CLSTN1: variants seen among roughly 807,000 people sequenced by gnomAD.
CLSTN1 encodes calsyntenin-1.
CLSTN1 carries 28 observed loss-of-function variants against 108.3 expected under a neutral mutation model. The ratio of observed to expected loss-of-function variants is 0.26; its 90% confidence interval spans 0.19 to 0.35. CLSTN1 has a LOEUF of 0.35. Ranked by LOEUF, CLSTN1 falls within the 10% of genes least tolerant of loss-of-function variation. CLSTN1 has a pLI of 1.00. For synonymous variants in CLSTN1, 524 were observed against 534.9 expected (o/e 0.98, Z 0.28); for missense variants, 1,157 against 1,302.6 (o/e 0.89, Z 1.72).
rs557228107 is a variant in CLSTN1 at position 9,749,573 on chromosome 1, T to A, written c.873A>T (p.Thr291=). Residue 291 remains threonine, a synonymous_variant, in exon 7 of 19, where the codon ACA becomes ACT. Coordinates refer to ENST00000377298, the MANE Select transcript of CLSTN1 (RefSeq NM_001009566.3). ...GTACTGAGGCGACTGGCTCGTCACA[T>A]GTCTCCAGGTGGATATTTGGAAAGA... ...LAVFPNIHLE[T]CDEPVASVQA... 5 of 1,614,220 alleles carry A rather than the reference T, an allele frequency of 3.1e-6. No individual in the cohort carries two copies. The Middle Eastern group carries it at 4.9e-4, about 160-fold the overall frequency.
intron 1 of CLSTN1, among the ~76,000 whole-genome samples, chr1:9,819,470 T>C (rs1655112736): frequency 6.6e-6 from 1 of 152,244 alleles, no homozygotes; most frequent in South Asian, 2.1e-4. Context: ...AAAAATTTCA[T>C]TTTTTGGTCA....
intron 3 of CLSTN1, 65 bp from the exon 4 acceptor site, chr1:9,755,374 T>TC (rs1470579894): frequency 7.8e-7 from 1 of 1,288,402 alleles, no homozygotes; most frequent in Non-Finnish European, 1.1e-6. Context: ...CTTGCCCTCC[T>TC]CCCCCCATCT....
intron 1 of CLSTN1, among the ~76,000 whole-genome samples, chr1:9,776,373 C>CG (rs1652943161): frequency 6.6e-6 from 1 of 152,054 alleles, no homozygotes; most frequent in South Asian, 2.1e-4. Context: ...ACCCAGACCC[C>CG]GGGGAGTTGT....
intron 9 of CLSTN1, among the ~76,000 whole-genome samples, chr1:9,743,212 G>A (rs972443251): frequency 5.3e-5 from 8 of 152,096 alleles, no homozygotes; most frequent in South Asian, 2.1e-4. Context: ...GTGCTCTCTC[G>A]TTTCCTGTAG....
chr1:9,793,051 C>T (rs369313146), intron 1 of CLSTN1, among the ~76,000 whole-genome samples: 6 of 151,154 alleles, frequency 4.0e-5, no homozygotes, highest in South Asian at 2.2e-4. Flanking sequence ...TCAATCTGTC[C>T]GCCCAGGCTG....
chr1:9,813,092 G>C (rs377610658), intron 1 of CLSTN1, among the ~76,000 whole-genome samples: 3 of 152,138 alleles, frequency 2.0e-5, no homozygotes, highest in Non-Finnish European at 2.9e-5. Flanking sequence ...TTGAACCCAG[G>C]AAGTGGAGGT....
chr1:9,732,032 T>C, intron 16 of CLSTN1, 136 bp from the exon 17 acceptor site: 1 of 835,614 alleles, frequency 1.2e-6, no homozygotes, highest in Non-Finnish European at 1.7e-6. Context: ...CAAACGGAGC[T>C]ACGGGAAAAG....
chr1:9,790,287 T>C (rs928175975), intron 1 of CLSTN1, among the ~76,000 whole-genome samples: 1 of 151,428 alleles, frequency 6.6e-6, no homozygotes, highest in African/African-American at 2.4e-5. Flanking sequence ...TCGTAGATGT[T>C]ATTTATCAAA....
intron 10 of CLSTN1, among the ~76,000 whole-genome samples, chr1:9,740,307 G>A (rs1439187886): frequency 7.3e-5 from 11 of 151,164 alleles, no homozygotes; most frequent in African/African-American, 4.9e-5. Context: ...TGATCTGCCC[G>A]CCTCAGCCTC....
At chr1:9,759,762 T>C (rs1002697629) in intron 2 of CLSTN1, among the ~76,000 whole-genome samples, 1 of 152,214 alleles carries the variant, frequency 6.6e-6, no homozygotes, top group South Asian at 2.1e-4. Context: ...CCGAAAAGGT[T>C]TGCTGATCTC....
rs767422831 is a variant in CLSTN1 at position 9,749,609 on chromosome 1, G to A, written c.837C>T (p.Gly279=). 8 of 1,614,214 alleles carry A rather than the reference G, an allele frequency of 5.0e-6. No individual in the cohort carries two copies. Among genetic ancestry groups the A allele is most frequent in the Non-Finnish European group, 5.9e-6 (7 of 1,180,028 alleles). ...GGATATTTGGAAAGACGGCCAACGC[G>A]CCGGTGCCCGGCTCATACTCAATCC... The part of the protein sequence containing the change: ...NNRIEYEPGT[G]ALAVFPNIHL... The change falls in exon 7 of 19, where the codon GGC becomes GGT. Residue 279 remains glycine, a synonymous_variant. Coordinates refer to ENST00000377298, the MANE Select transcript of CLSTN1 (RefSeq NM_001009566.3).
At chr1:9,812,003 G>A (rs1183184880) in intron 1 of CLSTN1, among the ~76,000 whole-genome samples, 1 of 152,108 alleles carries the variant, frequency 6.6e-6, no homozygotes, top group Non-Finnish European at 1.5e-5. Flanking sequence ...TGGGCGTGGT[G>A]GCATATGCCT....
At chr1:9,749,986 G>A (rs939226682) in intron 5 of CLSTN1, 73 bp from the exon 6 acceptor site, 12 of 1,268,534 alleles carry the variant, frequency 9.5e-6, no homozygotes, top group Non-Finnish European at 1.4e-5. Context: ...TAGGCGGAAA[G>A]ACAAAATGCA....
At chr1:9,788,701 A>AC (rs1340382903) in intron 1 of CLSTN1, among the ~76,000 whole-genome samples, 1 of 151,000 alleles carries the variant, frequency 6.6e-6, no homozygotes, top group Non-Finnish European at 1.5e-5. Flanking sequence ...CCCCATCTCT[A>AC]CTAAAAAATG....
chr1:9,756,591 T>C, intron 2 of CLSTN1, 81 bp from the exon 3 acceptor site: 1 of 1,208,748 alleles, frequency 8.3e-7, no homozygotes, highest in Non-Finnish European at 1.2e-6. Context: ...AAGTCAAAGG[T>C]GCACATATTA....
In CLSTN1 at chr1:9,823,701, C is replaced by G. The variant is rs1655282567; in HGVS notation, c.33G>C (p.Pro11=). MLRRPAPALA[P]AARLLLAGLL... is the part of the protein sequence containing the mutation. ...GCCCGGCCAGCAGCAGCCGGGCGGCCGGGGCCAGCGCGGGAGCGGGGCGGC... is the reference window on the plus strand; with the variant it reads ...GCCCGGCCAGCAGCAGCCGGGCGGCGGGGGCCAGCGCGGGAGCGGGGCGGC... Residue 11 remains proline, a synonymous_variant, in exon 1 of 19, where the codon CCG becomes CCC. Transcript: ENST00000377298. The surrounding 1 kb of genome is among the most constrained non-coding windows in gnomAD (Gnocchi z 6.3). The G allele has an allele frequency of 8.8e-7, 1 of 1,130,354 alleles. No homozygotes were observed. Among genetic ancestry groups the G allele is most frequent in the Non-Finnish European group, 1.1e-6 (1 of 923,224 alleles). 70.0% of individuals were successfully genotyped at this position (1,130,354 alleles called of 1,614,324 possible). A position where few individuals can be genotyped will look rare whatever the true frequency, so the allele number is the denominator to read the frequency against.
chr1:9,813,308 G>C (rs1654841959), intron 1 of CLSTN1, among the ~76,000 whole-genome samples: 1 of 151,710 alleles, frequency 6.6e-6, no homozygotes, highest in Non-Finnish European at 1.5e-5. Context: ...GACCGTCCTG[G>C]GCAACCTGGT....
At chr1:9,792,173 G>A (rs1341976890) in intron 1 of CLSTN1, among the ~76,000 whole-genome samples, 2 of 150,812 alleles carry the variant, frequency 1.3e-5, no homozygotes, top group African/African-American at 2.4e-5. Context: ...GCGACAGCGA[G>A]ACTCCACTTC....
In CLSTN1 at chr1:9,823,639, T is replaced by A. The variant is rs1655279971; in HGVS notation, c.91+4A>T. 1.7e-6 allele frequency: 2 copies of A among 1,177,302 alleles called. No homozygotes were observed. Among genetic ancestry groups the A allele is most frequent in the African/African-American group, 3.2e-5 (2 of 62,252 alleles). 72.9% of individuals were successfully genotyped at this position (1,177,302 alleles called of 1,614,324 possible). A position where few individuals can be genotyped will look rare whatever the true frequency, so the allele number is the denominator to read the frequency against. ...CAGCGGCCCGGCCCAGCCCCGGGGC[T>A]TACCTCGCGCGGCCCAGACCCCGCC... is the stretch of plus-strand genomic sequence containing the variant. On this transcript the variant is annotated splice_donor_region_variant and intron_variant, in intron 1 of 18. Coordinates refer to ENST00000377298, the MANE Select transcript of CLSTN1 (RefSeq NM_001009566.3). This position sits in a 1 kb window ranked among gnomAD's most constrained non-coding sequence, Gnocchi z 6.3.
Sources: gnomAD v4.1 joint callset for allele counts (sites outside exome capture counted in the v4.1 genomes callset) on GRCh38, gnomAD v4.1.1 for gene constraint, Gnocchi (gnomAD v3.1) non-coding constraint, MANE v1.5 for transcripts, NCBI Gene and HGNC (gene_info 2026-07-23, HGNC 2026-07-21) for gene names.